Variants in CRYBG1 observed in about 807,000 individuals in gnomAD.
The protein encoded by CRYBG1 is beta/gamma crystallin domain-containing protein 1.
A neutral mutation model predicts 189.2 loss-of-function variants in CRYBG1; 139 were observed. That is an observed-to-expected ratio of 0.73 (90% CI 0.64 to 0.85). The LOEUF (loss-of-function observed/expected upper bound fraction) is 0.85, where lower values mean the gene tolerates loss of function less well. CRYBG1 is among the 40% of genes least tolerant of loss of function. The pLI is 0.00. For missense variants in CRYBG1, 2,611 were observed against 2,675.8 expected, an observed-to-expected ratio of 0.98 and a Z score of 0.53; for synonymous variants, 1,023 against 1,017.1, an observed-to-expected ratio of 1.01 and a Z score of -0.11.
chr6:106,487,978 A>G (rs1439054505), intron 2 of CRYBG1, among the ~76,000 whole-genome samples: 4 of 152,064 alleles, frequency 2.6e-5, no homozygotes, highest in Non-Finnish European at 5.9e-5. Context: ...TTTTTCCTAT[A>G]CCTGGGTCTA....
chr6:106,474,075 C>CCG, intron 2 of CRYBG1, among the ~76,000 whole-genome samples: 1 of 152,010 alleles, frequency 6.6e-6, no homozygotes, highest in African/African-American at 2.4e-5. Context: ...ACAAAAGAAA[C>CCG]TATCTTGTTG....
In CRYBG1 at chr6:106,395,742, T is replaced by G. The variant is rs1467977099; in HGVS notation, c.173+34661T>G. Among the ~76,000 whole-genome samples the G allele has an allele frequency of 2.0e-5, 3 of 152,148 alleles. No individual in the cohort carries two copies. The East Asian group carries it at 5.8e-4, about 29-fold the overall frequency. ...ATCTATTTGAGATCAATTTTTATAT[T>G]AATCCTCAGTTTGTGATTATTACAT... is the stretch of plus-strand genomic sequence containing the variant. On this transcript the variant is annotated intron_variant, in intron 1 of 21. Transcript: ENST00000633556.
At chr6:106,464,608 C>T (rs1772076194) in intron 2 of CRYBG1, among the ~76,000 whole-genome samples, 1 of 152,088 alleles carries the variant, frequency 6.6e-6, no homozygotes, top group African/African-American at 2.4e-5. Context: ...ATGAAGATTT[C>T]CAACTTAGAA....
chr6:106,421,095 A>C (rs1395463747), intron 1 of CRYBG1, among the ~76,000 whole-genome samples: 1 of 152,142 alleles, frequency 6.6e-6, no homozygotes, highest in Non-Finnish European at 1.5e-5. Context: ...CCACTTTGAG[A>C]ATCTGAGGCA....
chr6:106,428,443 C>T (rs572514257), intron 1 of CRYBG1, among the ~76,000 whole-genome samples: 4 of 151,644 alleles, frequency 2.6e-5, no homozygotes, highest in Non-Finnish European at 4.4e-5. Context: ...TTCTTTGGAA[C>T]GTTGAAGGCA....
chr6:106,552,165 TTCC>T lies in CRYBG1; in HGVS notation c.5440-17_5440-15del. On this transcript the variant is annotated splice_polypyrimidine_tract_variant and intron_variant, in intron 14 of 21. Transcript: ENST00000633556. ...TTGTTCTATTCATTTCCTTTTCTCC[TTCC>T]TTTAAAAATTTTTAGGATTCTTTCA... The T allele has an allele frequency of 3.8e-6, 6 of 1,581,856 alleles. No homozygotes were observed. The highest frequency in any genetic ancestry group is 5.2e-6 in the Non-Finnish European group (6 of 1,161,056).
chr6:106,475,872 A>G lies in CRYBG1; in HGVS notation c.312+24040A>G, dbSNP rs1287623268. Among the ~76,000 whole-genome samples, 9 of 152,302 alleles carry G rather than the reference A, an allele frequency of 5.9e-5. No individual in the cohort carries two copies. The East Asian group carries it at 1.7e-3, about 29-fold the overall frequency. ...GCCAAGGATCTGACATTTTAAAGAGATACACGTTTCCTCTGTCACAGAACT... is the reference window on the plus strand; with the variant it reads ...GCCAAGGATCTGACATTTTAAAGAGGTACACGTTTCCTCTGTCACAGAACT... On this transcript the variant is annotated intron_variant, in intron 2 of 21. Coordinates refer to ENST00000633556, the MANE Select transcript of CRYBG1 (RefSeq NM_001371242.2).
intron 1 of CRYBG1, among the ~76,000 whole-genome samples, chr6:106,436,867 A>G (rs1481944423): frequency 1.3e-5 from 2 of 152,058 alleles, no homozygotes; most frequent in African/African-American, 4.8e-5. Flanking sequence ...CTTGATAAGT[A>G]TGAATAAATT....
chr6:106,544,969 C>G (rs2066201), intron 13 of CRYBG1, 36 bp downstream of exon 13: 1,355,905 of 1,570,358 alleles, frequency 0.86, 587,773 homozygotes, highest in South Asian at 0.94. Context: ...TTTAAACATG[C>G]GTTTTACCTT....
chr6:106,521,810 C>G (rs1324934456), intron 4 of CRYBG1, among the ~76,000 whole-genome samples: 2 of 150,464 alleles, frequency 1.3e-5, no homozygotes. Context: ...CCTCCACCTC[C>G]TGGGTTCAAG....
At position 106,551,892 on chromosome 6, in the gene CRYBG1, T is replaced by G; in HGVS notation, c.5353T>G (p.Tyr1785Asp). Residue 1785 changes from tyrosine to aspartate, a missense_variant, in exon 14 of 22, where the codon TAT becomes GAT. Physicochemically the swap from Tyr to Asp is radical, Grantham distance 160. This residue lies in a region of CRYBG1 where 1,622 missense variants were observed against 1,735.0 expected (regional missense o/e 0.93). Coordinates refer to ENST00000633556, the MANE Select transcript of CRYBG1 (RefSeq NM_001371242.2). Reference sequence around the variant, plus strand: ...AAATCCTGACTTCACAGGAGAACAGTATATACTGGATAAAGGATTTTATAC... The same window carrying G: ...AAATCCTGACTTCACAGGAGAACAGGATATACTGGATAAAGGATTTTATAC... ...YENPDFTGEQ[Y>D]ILDKGFYTSF... 6.2e-7 allele frequency: 1 copy of G among 1,612,126 alleles called. No individual in the cohort carries two copies.
At chr6:106,477,348 C>T (rs1044132964) in intron 2 of CRYBG1, among the ~76,000 whole-genome samples, 8 of 152,094 alleles carry the variant, frequency 5.3e-5, no homozygotes, top group African/African-American at 1.9e-4. Flanking sequence ...AGTTTAGAGA[C>T]ATGAAGGAAG....
chr6:106,558,333 C>CACAA (rs2114594203), intron 17 of CRYBG1, among the ~76,000 whole-genome samples, 153 bp from the exon 18 acceptor site: 1 of 152,132 alleles, frequency 6.6e-6, no homozygotes, highest in South Asian at 2.1e-4. Context: ...GCTTGGAGTA[C>CACAA]ACAAACATCC....
At chr6:106,508,308 A>AG (rs1394143829) in intron 2 of CRYBG1, among the ~76,000 whole-genome samples, 1 of 151,808 alleles carries the variant, frequency 6.6e-6, no homozygotes, top group Non-Finnish European at 1.5e-5. Context: ...CCCAGGGGGA[A>AG]AACTCTGTTT....
At chr6:106,553,127 T>G (rs1314788694) in intron 15 of CRYBG1, among the ~76,000 whole-genome samples, 2 of 152,254 alleles carry the variant, frequency 1.3e-5, no homozygotes, top group Non-Finnish European at 2.9e-5. Flanking sequence ...TTGTCGTTAA[T>G]GTCAGAACTG....
chr6:106,547,210 A>ACC (rs1235258141), intron 13 of CRYBG1, among the ~76,000 whole-genome samples: 2 of 23,404 alleles, frequency 8.5e-5, no homozygotes, highest in Middle Eastern at 0.025. Context: ...ACACACACAC[A>ACC]CACCACTTCC....
intron 1 of CRYBG1, among the ~76,000 whole-genome samples, chr6:106,364,335 A>T (rs200809813): frequency 4.9e-5 from 1 of 20,538 alleles, no homozygotes; most frequent in Non-Finnish European, 1.1e-4. Context: ...CTCAAAAAAT[A>T]AAAAAAAAAA....
At chr6:106,407,050 A>C (rs912234123) in intron 1 of CRYBG1, among the ~76,000 whole-genome samples, 10 of 152,228 alleles carry the variant, frequency 6.6e-5, no homozygotes, top group African/African-American at 2.4e-4. Flanking sequence ...CCTTAAATGT[A>C]AATGGCCTAA....
intron 2 of CRYBG1, among the ~76,000 whole-genome samples, chr6:106,470,971 A>C (rs1772222210): frequency 6.6e-6 from 1 of 152,200 alleles, no homozygotes; most frequent in Admixed American, 6.5e-5. Flanking sequence ...GGTTTTTTGC[A>C]CTGTGGAGTC....
Sources: gnomAD v4.1 joint callset for allele counts (sites outside exome capture counted in the v4.1 genomes callset) on GRCh38, gnomAD v4.1.1 for gene constraint, gnomAD v4.1.1 regional missense constraint, MANE v1.5 for transcripts, NCBI Gene and HGNC (gene_info 2026-07-23, HGNC 2026-07-21) for gene names.